The following MSANTD2 variants were observed in gnomAD, a reference collection of about 807,000 sequenced individuals.
MSANTD2 encodes Myb/SANT DNA binding domain containing 2, also known as myb/SANT-like DNA-binding domain-containing protein 2.
Under a neutral mutation model 52.6 loss-of-function variants are expected in MSANTD2, and 19 were observed. That is an observed-to-expected ratio of 0.36 (90% CI 0.25 to 0.53). MSANTD2 has a LOEUF of 0.53. Among genes scored for constraint, MSANTD2 ranks in the 20% least tolerant of loss-of-function variants. The probability of loss-of-function intolerance (pLI) is 0.91; values close to 1 mark genes in which losing one functional copy is unlikely to be tolerated. For synonymous variants in MSANTD2, 291 were observed against 289.7 expected (o/e 1.00, Z -0.04); for missense variants, 558 against 716.3 (o/e 0.78, Z 2.52).
rs369300350 is a variant in MSANTD2 at position 124,767,547 on chromosome 11, G to T, written c.1309C>A (p.Pro437Thr). 3.1e-6 allele frequency: 5 copies of T among 1,614,056 alleles called. No individual in the cohort carries two copies. In the East Asian group the frequency reaches 1.1e-4, roughly 36 times the overall value. The change falls in exon 4 of 4, where the codon CCA (proline) becomes ACA (threonine). Residue 437 changes from proline (P) to threonine (T), a missense_variant. Coordinates refer to ENST00000374979, the MANE Select transcript of MSANTD2 (RefSeq NM_001308027.2). The surrounding 1 kb of genome is among the most constrained non-coding windows in gnomAD (Gnocchi z 6.5). ...TCCAGGGAACTTTGCTCCATGTGTG[G>T]TGAGAGGGGCCTCTCAATACATTCT... The part of the protein sequence containing the change: ...YEECIERPLS[P>T]HMEQSSLDPG...
chr11:124,790,282 T>C (rs2135265407), intron 1 of MSANTD2: 1 of 152,334 alleles, frequency 6.6e-6, no homozygotes. Context: ...GAGTATATGG[T>C]AGAGGAAATA....
chr11:124,774,620 C>A lies in MSANTD2; in HGVS notation c.766+99G>T. Reference sequence around the variant, plus strand: ...GCCTTATGCTGACCACTATAGGGAACAGTACCAAAGATATTTACAGGTAAT... The same window carrying A: ...GCCTTATGCTGACCACTATAGGGAAAAGTACCAAAGATATTTACAGGTAAT... On this transcript the variant is annotated intron_variant, in intron 2 of 3. Transcript: ENST00000374979. The surrounding 1 kb of genome is among the most constrained non-coding windows in gnomAD (Gnocchi z 5.1). The A allele has an allele frequency of 8.1e-7, 1 of 1,238,802 alleles. No individual in the cohort carries two copies. The highest frequency in any genetic ancestry group is 1.5e-5 in the African/African-American group (1 of 67,234). 76.7% of individuals were successfully genotyped at this position (1,238,802 alleles called of 1,614,324 possible).
intron 1 of MSANTD2, among the ~76,000 whole-genome samples, chr11:124,795,855 C>T (rs1310629631): frequency 6.6e-6 from 1 of 152,140 alleles, no homozygotes; most frequent in Admixed American, 6.5e-5. Flanking sequence ...ATTTGTGTAT[C>T]TGACTCCAAA....
chr11:124,770,881 C>T (rs924600064), intron 3 of MSANTD2, among the ~76,000 whole-genome samples: 14 of 151,828 alleles, frequency 9.2e-5, no homozygotes, highest in African/African-American at 2.7e-4. Context: ...TACAGGCACC[C>T]GCTACCATCC....
At chr11:124,781,477 G>A (rs540624223) in intron 1 of MSANTD2, among the ~76,000 whole-genome samples, 11 of 152,100 alleles carry the variant, frequency 7.2e-5, no homozygotes, top group East Asian at 5.8e-4. Flanking sequence ...TCTTGACTAC[G>A]TTCCTTAGTA....
At chr11:124,768,868 T>C (rs1014457703) in intron 3 of MSANTD2, among the ~76,000 whole-genome samples, 1 of 152,202 alleles carries the variant, frequency 6.6e-6, no homozygotes, top group Non-Finnish European at 1.5e-5. Flanking sequence ...GGAATTTTTA[T>C]TTCACGGGCT....
intron 3 of MSANTD2, among the ~76,000 whole-genome samples, chr11:124,771,690 C>G (rs187125624): frequency 6.6e-6 from 1 of 152,320 alleles, no homozygotes; most frequent in East Asian, 1.9e-4. Flanking sequence ...TCACAGTGAG[C>G]CAAGATTGCA....
At chr11:124,783,662 T>C (rs1177462884) in intron 1 of MSANTD2, 1 of 901,150 alleles carries the variant, frequency 1.1e-6, no homozygotes, top group Non-Finnish European at 1.3e-6. Context: ...AAACAAAACT[T>C]TAAAAAAATA....
Position 124,788,262 on chromosome 11 carries a change from G to A in MSANTD2, c.510+11609C>T, listed in dbSNP as rs115563935. ...CCTGTTTACAAGAAGCAGAAGACAG[G>A]CAAAACTCAGCATGAATAGAAATAA... On this transcript the variant is annotated intron_variant, in intron 1 of 3. Transcript: ENST00000374979. Among the ~76,000 whole-genome samples the A allele has an allele frequency of 8.8e-3, 1,332 of 152,184 alleles. 16 individuals carry two copies. Among genetic ancestry groups the A allele is most frequent in the African/African-American group, 0.03 (1,258 of 41,500 alleles).
intron 1 of MSANTD2, chr11:124,783,867 C>A: frequency 1.0e-6 from 1 of 985,366 alleles, no homozygotes; most frequent in Non-Finnish European, 1.2e-6. Context: ...AAGCTTCTGA[C>A]CCTATGCTAT....
chr11:124,795,583 C>T (rs1344804424), intron 1 of MSANTD2, among the ~76,000 whole-genome samples: 2 of 152,202 alleles, frequency 1.3e-5, no homozygotes, highest in Admixed American at 6.5e-5. Flanking sequence ...CATTCCATCC[C>T]TTGTGTTGTC....
Position 124,767,705 on chromosome 11 carries a change from C to T in MSANTD2, c.1151G>A (p.Arg384Lys), listed in dbSNP as rs769889593. Residue 384 changes from arginine (R) to lysine (K), a missense_variant, in exon 4 of 4, where the codon AGG becomes AAG. Transcript: ENST00000374979. The surrounding 1 kb of genome is among the most constrained non-coding windows in gnomAD (Gnocchi z 6.5). ...KFLEITISEA[R>K]CLELHMEIDW... Reference sequence around the variant, plus strand: ...AATTTCCATGTGCAGCTCCAAGCACCTAGCTTCGCTAATAGTGATCTCTAA... The same window carrying T: ...AATTTCCATGTGCAGCTCCAAGCACTTAGCTTCGCTAATAGTGATCTCTAA... The T allele has an allele frequency of 9.3e-6, 15 of 1,614,118 alleles. No individual in the cohort carries two copies. The highest frequency in any genetic ancestry group is 6.7e-5 in the East Asian group (3 of 44,894).
At chr11:124,770,314 GTTTT>G (rs59573200) in intron 3 of MSANTD2, among the ~76,000 whole-genome samples, 15 of 143,278 alleles carry the variant, frequency 1.0e-4, no homozygotes, top group Admixed American at 6.3e-4. Flanking sequence ...TTGTTTGTTT[GTTTT>G]TTTTTTTTTG....
chr11:124,775,086 T>C (rs1238963917), intron 1 of MSANTD2, 112 bp from the exon 2 acceptor site: 3 of 893,260 alleles, frequency 3.4e-6, no homozygotes, highest in Non-Finnish European at 3.2e-6. Flanking sequence ...CATAGACACA[T>C]TGTTACAGGA....
intron 1 of MSANTD2, chr11:124,791,712 T>C (rs1162012029): frequency 2.1e-6 from 2 of 956,740 alleles, no homozygotes; most frequent in African/African-American, 1.6e-5. Flanking sequence ...AGGGGAAAGA[T>C]GAGAGGTACC....
intron 1 of MSANTD2, chr11:124,783,981 A>G: frequency 1.4e-5 from 14 of 985,450 alleles, no homozygotes; most frequent in Middle Eastern, 5.2e-4. Context: ...TCTTTAGGGT[A>G]CAAGAATCCT....
intron 1 of MSANTD2, among the ~76,000 whole-genome samples, chr11:124,795,204 G>A (rs902136259): frequency 3.3e-5 from 5 of 152,106 alleles, no homozygotes; most frequent in Non-Finnish European, 5.9e-5. Flanking sequence ...AAATTTGTCT[G>A]ATGAGCGACC....
Position 124,773,303 on chromosome 11 carries a change from G to C in MSANTD2, c.767-249C>G, listed in dbSNP as rs1591445908. 1.3e-5 allele frequency: 4 copies of C among 304,576 alleles called. No individual in the cohort carries two copies. The East Asian group carries it at 2.6e-4, about 20-fold the overall frequency. 18.9% of individuals were successfully genotyped at this position (304,576 alleles called of 1,614,324 possible). On this transcript the variant is annotated intron_variant, in intron 2 of 3. Coordinates refer to ENST00000374979, the MANE Select transcript of MSANTD2 (RefSeq NM_001308027.2). ...CTTCAAGGTCACCAGTGGATTTCTA[G>C]CTAGGAGCTTAAAGCTTAATTTCAC...
chr11:124,799,127 G>A (rs73012410), intron 1 of MSANTD2, among the ~76,000 whole-genome samples: 4,546 of 152,274 alleles, frequency 0.03, 95 homozygotes, highest in Non-Finnish European at 0.047. Flanking sequence ...CTGAAGCAGG[G>A]AAAAACTGGC....
Sources: allele counts gnomAD v4.1 joint callset (sites outside exome capture counted in the v4.1 genomes callset), GRCh38; gene constraint gnomAD v4.1.1; non-coding constraint Gnocchi (gnomAD v3.1); transcripts MANE v1.5; gene names NCBI Gene and HGNC (gene_info 2026-07-23, HGNC 2026-07-21).